SGTB: variants seen among roughly 807,000 people sequenced by gnomAD.
SGTB encodes small glutamine rich tetratricopeptide repeat co-chaperone beta.
In SGTB, 19 loss-of-function variants were observed where a neutral mutation model predicts 43.9. The observed-to-expected ratio is 0.43, with a 90% CI of 0.30 to 0.63. The LOEUF (loss-of-function observed/expected upper bound fraction) is 0.63, where lower values mean the gene tolerates loss of function less well. SGTB is among the 30% of genes least tolerant of loss of function. The pLI is 0.12. For synonymous variants in SGTB, 116 were observed against 117.3 expected (o/e 0.99, Z 0.07); for missense variants, 304 against 358.9 (o/e 0.85, Z 1.24).
chr5:65,681,492 G>A (rs1007980394), intron 6 of SGTB, among the ~76,000 whole-genome samples: 1 of 151,998 alleles, frequency 6.6e-6, no homozygotes, highest in Admixed American at 6.6e-5. Flanking sequence ...GTTTGTTTTA[G>A]GTTTGTTTTA....
chr5:65,706,783 G>C (rs1481036482), intron 4 of SGTB, among the ~76,000 whole-genome samples: 1 of 152,004 alleles, frequency 6.6e-6, no homozygotes, highest in Non-Finnish European at 1.5e-5. Flanking sequence ...AGTGAGCCAA[G>C]ATTGCACCAC....
Position 65,700,390 on chromosome 5 carries a change from C to T in SGTB, c.374+3889G>A, listed in dbSNP as rs373004978. On this transcript the variant is annotated intron_variant, in intron 5 of 10. Transcript: ENST00000381007. ...ACTGTCATGAAAAAGAAGAATGAGCCGGGTGCGGTGGCTCATGCCTGTAAT... is the reference window on the plus strand; with the variant it reads ...ACTGTCATGAAAAAGAAGAATGAGCTGGGTGCGGTGGCTCATGCCTGTAAT... Among the ~76,000 whole-genome samples, 14 of 152,160 alleles carry T rather than the reference C, an allele frequency of 9.2e-5. No homozygotes were observed. In the East Asian group the frequency reaches 2.5e-3, roughly 27 times the overall value.
intron 8 of SGTB, among the ~76,000 whole-genome samples, chr5:65,673,661 A>AT (rs71305036): frequency 0.37 from 53,730 of 146,824 alleles, 10,163 homozygotes; most frequent in African/African-American, 0.48. Flanking sequence ...CTATAGGGCT[A>AT]TTTTTTTTTT....
At chr5:65,674,003 C>G (rs1757215326) in intron 8 of SGTB, among the ~76,000 whole-genome samples, 1 of 152,148 alleles carries the variant, frequency 6.6e-6, no homozygotes, top group South Asian at 2.1e-4. Flanking sequence ...CTTCCCTCAG[C>G]TTGCTGATTA....
At chr5:65,703,211 A>T (rs1489575239) in intron 5 of SGTB, among the ~76,000 whole-genome samples, 1 of 152,234 alleles carries the variant, frequency 6.6e-6, no homozygotes, top group African/African-American at 2.4e-5. Flanking sequence ...AAGTAAACTA[A>T]GGTATGTCTA....
At chr5:65,720,361 C>T (rs1182065317) in intron 2 of SGTB, among the ~76,000 whole-genome samples, 1 of 152,142 alleles carries the variant, frequency 6.6e-6, no homozygotes, top group Non-Finnish European at 1.5e-5. Context: ...GGATTACAGG[C>T]ATGAGCCACC....
rs759436277 is a variant in SGTB, at chr5:65,670,291, G to A, written c.870C>T (p.His290=). Residue 290 remains histidine (H), a synonymous_variant, in exon 11 of 11, where the codon CAC becomes CAT. Transcript: ENST00000381007. ...NPELIEQLRN[H]IRSRSFSSSA... Reference sequence around the variant, plus strand: ...TGCTGCTGAATGATCTGCTCCGGATGTGATTTCTCAGTTGCTCTATAAGTT... The same window carrying A: ...TGCTGCTGAATGATCTGCTCCGGATATGATTTCTCAGTTGCTCTATAAGTT... 1.2e-6 allele frequency: 2 copies of A among 1,614,184 alleles called. No individual in the cohort carries two copies. The highest frequency in any genetic ancestry group is 3.3e-5 in the Admixed American group (2 of 60,030).
chr5:65,706,913 T>C (rs763600250), intron 4 of SGTB, among the ~76,000 whole-genome samples: 3 of 151,996 alleles, frequency 2.0e-5, no homozygotes, highest in Non-Finnish European at 4.4e-5. Flanking sequence ...ATTATCTGTC[T>C]AGGTAAGTAA....
chr5:65,680,767 A>T lies in SGTB; in HGVS notation c.507T>A (p.Phe169Leu). 6.2e-7 allele frequency: 1 copy of T among 1,613,776 alleles called. No individual in the cohort carries two copies. The highest frequency in any genetic ancestry group is 1.1e-5 in the South Asian group (1 of 91,062). ...MGLALTALNK[F>L]EEAVTSYQKA... is the part of the protein sequence containing the mutation. ...TTTGATAACTTGTAACTGCTTCTTC[A>T]AATTTATTCAAGGCAGTGAGGGCCA... The change falls in exon 7 of 11, where the codon TTT (phenylalanine) becomes TTA (leucine). Residue 169 changes from phenylalanine to leucine, a missense_variant. Physicochemically the swap from Phe to Leu is conservative, Grantham distance 22 (BLOSUM62 0). Transcript: ENST00000381007.
At chr5:65,705,356 A>C (rs1356264015) in intron 4 of SGTB, among the ~76,000 whole-genome samples, 1 of 152,156 alleles carries the variant, frequency 6.6e-6, no homozygotes, top group Non-Finnish European at 1.5e-5. Context: ...TGGAGGCTGA[A>C]GCAGGAATAT....
chr5:65,698,052 C>T (rs1308995945), intron 5 of SGTB, among the ~76,000 whole-genome samples: 1 of 152,116 alleles, frequency 6.6e-6, no homozygotes, highest in Non-Finnish European at 1.5e-5. Flanking sequence ...GTGTTGTAGG[C>T]AACAGACTGT....
At chr5:65,682,043 C>G (rs2150707152) in intron 6 of SGTB, among the ~76,000 whole-genome samples, 1 of 151,126 alleles carries the variant, frequency 6.6e-6, no homozygotes, top group South Asian at 2.1e-4. Context: ...AGACAGGCAA[C>G]AAGCATGCAA....
intron 8 of SGTB, among the ~76,000 whole-genome samples, chr5:65,673,123 C>T (rs1392222396): frequency 6.6e-6 from 1 of 152,224 alleles, no homozygotes; most frequent in Admixed American, 6.5e-5. Context: ...AAATTTAGAA[C>T]AGATCTATGC....
At position 65,668,806 on chromosome 5, in the gene SGTB, C is replaced by T. The variant is rs1217114750; in HGVS notation, c.*1440G>A. The T allele has an allele frequency of 2.0e-5, 3 of 151,418 alleles. No homozygotes were observed. Among genetic ancestry groups the T allele is most frequent in the African/African-American group, 7.3e-5 (3 of 41,166 alleles). 9.4% of individuals were successfully genotyped at this position (151,418 alleles called of 1,614,324 possible). A position where few individuals can be genotyped will look rare whatever the true frequency, so the allele number is the denominator to read the frequency against. Reference sequence around the variant, plus strand: ...GCCCGTAATCCCAGCTACTTGGGAGCTTAAGGCTCGAGAATCACTTGAATC... The same window carrying T: ...GCCCGTAATCCCAGCTACTTGGGAGTTTAAGGCTCGAGAATCACTTGAATC... On this transcript the variant is annotated 3_prime_UTR_variant, in exon 11 of 11. Coordinates refer to ENST00000381007, the MANE Select transcript of SGTB (RefSeq NM_019072.3).
intron 2 of SGTB, among the ~76,000 whole-genome samples, chr5:65,718,360 C>T (rs1295943662): frequency 1.3e-5 from 2 of 152,198 alleles, no homozygotes; most frequent in African/African-American, 4.8e-5. Flanking sequence ...TTGAGAACCA[C>T]TGATCTAGAA....
chr5:65,672,805 A>C (rs1581243777), intron 8 of SGTB, among the ~76,000 whole-genome samples: 1 of 152,310 alleles, frequency 6.6e-6, no homozygotes, highest in Non-Finnish European at 1.5e-5. Flanking sequence ...TTTATGTAAA[A>C]TTTGAATTTA....
upstream of SGTB, chr5:65,722,445 G>A (rs1335342485): frequency 4.5e-6 from 7 of 1,563,388 alleles, no homozygotes; most frequent in East Asian, 2.5e-5. Context: ...AACCTTGGCC[G>A]TGGGCAGGGC....
At position 65,666,655 on chromosome 5, in the gene SGTB, A is replaced by G. The variant is rs1348208122; in HGVS notation, c.*3591T>C. 1 of 152,208 alleles carries G rather than the reference A, an allele frequency of 6.6e-6. No individual in the cohort carries two copies. Among genetic ancestry groups the G allele is most frequent in the Non-Finnish European group, 1.5e-5 (1 of 68,002 alleles). 9.4% of individuals were successfully genotyped at this position (152,208 alleles called of 1,614,324 possible). ...TTTTTTTGAAATAGCTTGCAATGCT[A>G]TGATTCCAAAGTGATCAAGGTACTT... On this transcript the variant is annotated 3_prime_UTR_variant, in exon 11 of 11. Transcript: ENST00000381007.
chr5:65,704,035 C>CAAAAAAA (rs11405488), intron 5 of SGTB, among the ~76,000 whole-genome samples: 28 of 133,400 alleles, frequency 2.1e-4, no homozygotes, highest in South Asian at 7.5e-4. Context: ...GACTCCGTCT[C>CAAAAAAA]AAAAAAAAAA....
Sources: allele counts gnomAD v4.1 joint callset (sites outside exome capture counted in the v4.1 genomes callset), GRCh38; gene constraint gnomAD v4.1.1; transcripts MANE v1.5; gene names NCBI Gene and HGNC (gene_info 2026-07-23, HGNC 2026-07-21).